GPC3: variants seen among roughly 807,000 people sequenced by gnomAD.
GPC3 encodes glypican-3.
GPC3 carries 3 observed loss-of-function variants against 34.4 expected under a neutral mutation model. That is an observed-to-expected ratio of 0.09 (90% CI 0.04 to 0.23). The LOEUF (loss-of-function observed/expected upper bound fraction) is 0.23, where lower values mean the gene tolerates loss of function less well. GPC3 is among the 10% of genes least tolerant of loss of function. GPC3 has a pLI of 1.00. For missense variants in GPC3, 351 were observed against 445.6 expected (o/e 0.79, Z 1.91); for synonymous variants, 177 against 174.0 (o/e 1.02, Z -0.13).
intron 6 of GPC3, among the ~76,000 whole-genome samples, chrX:133,653,083 T>C (rs937371139): frequency 8.9e-6 from 1 of 112,122 alleles, no homozygotes; most frequent in Non-Finnish European, 1.9e-5. Flanking sequence ...CTTCCTTGTG[T>C]ATTATAGATA....
intron 6 of GPC3, among the ~76,000 whole-genome samples, chrX:133,640,666 C>A (rs1005815871): frequency 3.6e-5 from 4 of 112,314 alleles, no homozygotes; most frequent in Middle Eastern, 4.6e-3. Context: ...AATAAAAAAG[C>A]TTCAAAAACT....
chrX:133,627,792 A>T (rs980528871), intron 6 of GPC3, among the ~76,000 whole-genome samples: 2 of 112,649 alleles, frequency 1.8e-5, no homozygotes, highest in Non-Finnish European at 3.7e-5. Context: ...CCACAAAGGA[A>T]ACAAATGATT....
At chrX:133,851,007 G>A (rs1289359946) in intron 2 of GPC3, among the ~76,000 whole-genome samples, 1 of 111,169 alleles carries the variant, frequency 9.0e-6, no homozygotes. Context: ...GGGAGGCTGA[G>A]GCAGAAGAAT....
chrX:133,863,648 CTTT>C (rs1165193952), intron 2 of GPC3, among the ~76,000 whole-genome samples: 6 of 72,871 alleles, frequency 8.2e-5, no homozygotes, highest in South Asian at 5.6e-4. Context: ...AAAAATATTC[CTTT>C]TTTTTTTTTT....
chrX:133,918,781 T>C (rs1228408307), intron 2 of GPC3, among the ~76,000 whole-genome samples: 2 of 111,981 alleles, frequency 1.8e-5, no homozygotes, highest in Admixed American at 1.9e-4. Context: ...TTTGACTCTT[T>C]TATAGCATTA....
chrX:133,928,275 T>C (rs1328668044), intron 2 of GPC3, among the ~76,000 whole-genome samples: 7 of 111,977 alleles, frequency 6.3e-5, no homozygotes, highest in Non-Finnish European at 1.3e-4. Context: ...AAACATTTTC[T>C]ATTCATGTTT....
chrX:133,704,308 G>A, intron 3 of GPC3: 1 of 896,031 alleles, frequency 1.1e-6, no homozygotes, highest in African/African-American at 2.0e-5. Context: ...ATTACTTTCT[G>A]AATGGAGTAT....
chrX:133,710,469 A>G (rs1036093870), intron 3 of GPC3, among the ~76,000 whole-genome samples: 17 of 112,108 alleles, frequency 1.5e-4, no homozygotes, highest in African/African-American at 5.5e-4. Flanking sequence ...TAGAAATTTG[A>G]TTCATTCTTA....
intron 2 of GPC3, among the ~76,000 whole-genome samples, chrX:133,933,646 G>A (rs903701435): frequency 2.7e-5 from 3 of 109,623 alleles, no homozygotes; most frequent in Non-Finnish European, 3.8e-5. Flanking sequence ...TCACAATAGC[G>A]AGTTCTTTGG....
At chrX:133,579,442 G>A (rs1439046428) in intron 7 of GPC3, among the ~76,000 whole-genome samples, 1 of 112,982 alleles carries the variant, frequency 8.9e-6, no homozygotes, top group Non-Finnish European at 1.9e-5. Context: ...GGAATTACCT[G>A]ACCATCATGT....
In GPC3 at chrX:133,682,688, C is replaced by T. The variant is rs183340665; in HGVS notation, c.1292+9681G>A. On this transcript the variant is annotated intron_variant, in intron 5 of 7. Transcript: ENST00000370818. ...TAGGATTAAAATATCCATCTGGGGC[C>T]GGGCGCGGTGGCTCACGCCTGTAAT... is the stretch of plus-strand genomic sequence containing the variant. Among the ~76,000 whole-genome samples the T allele has an allele frequency of 2.2e-3, 245 of 111,554 alleles. 2 individuals carry two copies. Among genetic ancestry groups the T allele is most frequent in the Non-Finnish European group, 3.8e-3 (202 of 53,083 alleles).
At chrX:133,676,900 G>T (rs2070888960) in intron 5 of GPC3, among the ~76,000 whole-genome samples, 1 of 110,709 alleles carries the variant, frequency 9.0e-6, no homozygotes, top group Non-Finnish European at 1.9e-5. Context: ...TAGCCACTTT[G>T]TATTCCTTTG....
chrX:133,872,463 CAACA>C (rs1248705283), intron 2 of GPC3, among the ~76,000 whole-genome samples: 1 of 111,368 alleles, frequency 9.0e-6, no homozygotes, highest in Non-Finnish European at 1.9e-5. Flanking sequence ...ACTGTTCATG[CAACA>C]AACAGTGCTG....
At chrX:133,607,508 T>A (rs1013638908) in intron 6 of GPC3, among the ~76,000 whole-genome samples, 1 of 111,801 alleles carries the variant, frequency 8.9e-6, no homozygotes, top group Non-Finnish European at 1.9e-5. Flanking sequence ...GCTCAAGCAA[T>A]CCTCCTGCCT....
intron 2 of GPC3, among the ~76,000 whole-genome samples, chrX:133,809,272 G>A (rs1304339115): frequency 8.9e-6 from 1 of 112,326 alleles, no homozygotes; most frequent in Non-Finnish European, 1.9e-5. Flanking sequence ...AGTTAGTTAT[G>A]TTGGTATTCC....
intron 2 of GPC3, among the ~76,000 whole-genome samples, chrX:133,854,212 C>G (rs928790992): frequency 2.7e-5 from 3 of 111,482 alleles, no homozygotes; most frequent in Non-Finnish European, 3.8e-5. Context: ...AAGAAGTTCC[C>G]TTTTATGGAA....
At chrX:133,709,235 A>G (rs1457885989) in intron 3 of GPC3, among the ~76,000 whole-genome samples, 1 of 111,812 alleles carries the variant, frequency 8.9e-6, no homozygotes, top group East Asian at 2.8e-4. Flanking sequence ...TTAGTCTTGG[A>G]TCATTGATGG....
chrX:133,596,350 A>G, intron 7 of GPC3, 90 bp downstream of exon 7: 1 of 778,769 alleles, frequency 1.3e-6, no homozygotes, highest in Non-Finnish European at 2.0e-6. Context: ...CAGGGAATGT[A>G]AGGGAATTGC....
At chrX:133,879,839 C>A (rs1165455715) in intron 2 of GPC3, among the ~76,000 whole-genome samples, 1 of 111,248 alleles carries the variant, frequency 9.0e-6, no homozygotes, top group Non-Finnish European at 1.9e-5. Flanking sequence ...CTTATTAAAA[C>A]CCTTATTAGT....
Sources: gnomAD v4.1 joint callset for allele counts (sites outside exome capture counted in the v4.1 genomes callset) on GRCh38, gnomAD v4.1.1 for gene constraint, MANE v1.5 for transcripts, NCBI Gene and HGNC (gene_info 2026-07-23, HGNC 2026-07-21) for gene names.